KIAA1549: variants seen among roughly 807,000 people sequenced by gnomAD.
KIAA1549 encodes KIAA1549.
KIAA1549 carries 70 observed loss-of-function variants against 156.4 expected under a neutral mutation model. The observed-to-expected ratio is 0.45, with a 90% confidence interval of 0.37 to 0.55. KIAA1549 has a LOEUF of 0.55. Ranked by LOEUF, KIAA1549 falls within the 20% of genes least tolerant of loss-of-function variation. The pLI is 0.00. For synonymous variants in KIAA1549, 1,103 were observed against 1,066.4 expected, an observed-to-expected ratio of 1.03 and a Z score of -0.67; for missense variants, 2,428 against 2,540.9, an observed-to-expected ratio of 0.96 and a Z score of 0.96.
At chr7:138,857,764 A>G (rs1274899811) in intron 16 of KIAA1549, among the ~76,000 whole-genome samples, 1 of 152,232 alleles carries the variant, frequency 6.6e-6, no homozygotes, top group Non-Finnish European at 1.5e-5. Flanking sequence ...ACTCTTTACT[A>G]TGAGATCTAT....
At chr7:138,900,177 G>A (rs778864461) in intron 8 of KIAA1549, among the ~76,000 whole-genome samples, 3 of 152,112 alleles carry the variant, frequency 2.0e-5, no homozygotes, top group Non-Finnish European at 4.4e-5. Context: ...CCTTCACCAC[G>A]GGAAACTTCT....
intron 10 of KIAA1549, among the ~76,000 whole-genome samples, chr7:138,887,923 C>G (rs938776557): frequency 8.5e-5 from 13 of 152,172 alleles, no homozygotes; most frequent in African/African-American, 3.1e-4. Flanking sequence ...CATCTCCCAG[C>G]CATTGAAGAA....
At chr7:138,926,296 C>CT (rs5887911) in intron 1 of KIAA1549, among the ~76,000 whole-genome samples, 20,010 of 150,084 alleles carry the variant, frequency 0.13, 1,516 homozygotes, top group South Asian at 0.2. Context: ...TTTTCTTTTT[C>CT]TTTTTTTTTG....
intron 1 of KIAA1549, among the ~76,000 whole-genome samples, chr7:138,964,007 T>C (rs891799150): frequency 6.6e-6 from 1 of 152,252 alleles, no homozygotes; most frequent in African/African-American, 2.4e-5. Context: ...TTTTAACTTT[T>C]TGAGTTTTTT....
At chr7:138,931,340 A>G (rs1812863695) in intron 1 of KIAA1549, among the ~76,000 whole-genome samples, 1 of 152,268 alleles carries the variant, frequency 6.6e-6, no homozygotes, top group Non-Finnish European at 1.5e-5. Flanking sequence ...TGCAAAGTGC[A>G]ATAAAATGGG....
intron 8 of KIAA1549, among the ~76,000 whole-genome samples, chr7:138,899,688 A>C (rs1811787445): frequency 6.6e-6 from 1 of 152,004 alleles, no homozygotes; most frequent in Non-Finnish European, 1.5e-5. Flanking sequence ...AGGTACCCCC[A>C]TCCTGCACCA....
chr7:138,967,435 T>C (rs544857296), intron 1 of KIAA1549, among the ~76,000 whole-genome samples: 1 of 152,328 alleles, frequency 6.6e-6, no homozygotes, highest in Admixed American at 6.5e-5. Flanking sequence ...GAGAAAGTTC[T>C]AGGCAGAGGG....
intron 1 of KIAA1549, among the ~76,000 whole-genome samples, chr7:138,979,621 T>C (rs1484812752): frequency 1.3e-5 from 2 of 152,244 alleles, no homozygotes; most frequent in African/African-American, 4.8e-5. Flanking sequence ...AGATGGGCTC[T>C]CTTTGTTGAC....
intron 1 of KIAA1549, among the ~76,000 whole-genome samples, chr7:138,971,946 G>A (rs957738392): frequency 2.0e-5 from 3 of 152,164 alleles, no homozygotes; most frequent in African/African-American, 7.2e-5. Context: ...AGGAAGGGAC[G>A]TGACCTGTTC....
chr7:138,962,398 T>A (rs964955256), intron 1 of KIAA1549, among the ~76,000 whole-genome samples: 1 of 152,164 alleles, frequency 6.6e-6, no homozygotes, highest in South Asian at 2.1e-4. Context: ...CATCAGTGGG[T>A]AGCCCTATTT....
intron 1 of KIAA1549, among the ~76,000 whole-genome samples, chr7:138,951,045 C>T (rs1813482705): frequency 6.6e-6 from 1 of 152,036 alleles, no homozygotes; most frequent in African/African-American, 2.4e-5. Context: ...CCTTTGCACC[C>T]TCTCTTCTGG....
At chr7:138,970,011 A>G in intron 1 of KIAA1549, among the ~76,000 whole-genome samples, 1 of 152,232 alleles carries the variant, frequency 6.6e-6, no homozygotes, top group East Asian at 1.9e-4. Context: ...ATGTGCAACT[A>G]AATTATTTTT....
At chr7:138,920,148 T>A (rs1812521189) in intron 1 of KIAA1549, among the ~76,000 whole-genome samples, 1 of 145,960 alleles carries the variant, frequency 6.9e-6, no homozygotes, top group Admixed American at 6.7e-5. Flanking sequence ...GTGCACATTC[T>A]CACCCCCGCC....
chr7:138,903,856 C>CGT (rs1811928291), intron 7 of KIAA1549, 120 bp from the exon 8 acceptor site: 3 of 494,022 alleles, frequency 6.1e-6, no homozygotes, highest in Non-Finnish European at 6.1e-6. Context: ...TGTGTGTGCG[C>CGT]GCGCGCGCGC....
chr7:138,883,303 G>T (rs1211293179), intron 10 of KIAA1549, among the ~76,000 whole-genome samples: 21 of 137,832 alleles, frequency 1.5e-4, no homozygotes, highest in South Asian at 7.1e-4. Flanking sequence ...ATTTGTTATT[G>T]TTCACATTTC....
intron 1 of KIAA1549, among the ~76,000 whole-genome samples, chr7:138,965,345 GAT>G (rs1813987922): frequency 6.6e-6 from 1 of 152,024 alleles, no homozygotes. Flanking sequence ...TGCGTGCCAC[GAT>G]GCCTGACTAA....
chr7:138,968,720 C>T (rs1364262827), intron 1 of KIAA1549, among the ~76,000 whole-genome samples: 1 of 151,934 alleles, frequency 6.6e-6, no homozygotes, highest in Admixed American at 6.6e-5. Flanking sequence ...ATTAGCCAGG[C>T]GTGGTGGCGG....
chr7:138,959,823 T>C (rs946378950), intron 1 of KIAA1549, among the ~76,000 whole-genome samples: 1 of 152,220 alleles, frequency 6.6e-6, no homozygotes, highest in African/African-American at 2.4e-5. Context: ...AGAGCAACTG[T>C]GCCTCTTAAT....
chr7:138,948,832 A>G (rs1813409101), intron 1 of KIAA1549, among the ~76,000 whole-genome samples: 2 of 151,654 alleles, frequency 1.3e-5, no homozygotes, highest in Non-Finnish European at 2.9e-5. Context: ...AGCTGGGATT[A>G]CAGGCATGTG....
Sources: allele counts gnomAD v4.1 joint callset (sites outside exome capture counted in the v4.1 genomes callset), GRCh38; gene constraint gnomAD v4.1.1; transcripts MANE v1.5; gene names NCBI Gene and HGNC (gene_info 2026-07-23, HGNC 2026-07-21).